Variants in MARCHF10 observed in about 807,000 individuals in gnomAD.
MARCHF10 encodes the protein membrane associated ring-CH-type finger 10.
MARCHF10 carries 64 observed loss-of-function variants against 76.2 expected under a neutral mutation model. The ratio of observed to expected loss-of-function variants is 0.84; its 90% CI spans 0.69 to 1.03. MARCHF10 has a LOEUF of 1.03. Ranked by LOEUF, MARCHF10 falls within the 50% of genes least tolerant of loss-of-function variation. The pLI, the probability that MARCHF10 is intolerant of heterozygous loss-of-function variation, is 0.00. For synonymous variants in MARCHF10, 340 were observed against 357.5 expected (o/e 0.95, Z 0.55); for missense variants, 875 against 958.0 (o/e 0.91, Z 1.14).
At chr17:62,751,888 C>T (rs181191910) in intron 4 of MARCHF10, among the ~76,000 whole-genome samples, 3 of 152,104 alleles carry the variant, frequency 2.0e-5, no homozygotes, top group Admixed American at 6.5e-5. Context: ...GGCATGGTGG[C>T]GCATGCCTGT....
At chr17:62,749,254 T>A (rs1323957644) in intron 4 of MARCHF10, among the ~76,000 whole-genome samples, 3 of 152,178 alleles carry the variant, frequency 2.0e-5, no homozygotes, top group African/African-American at 7.2e-5. Flanking sequence ...CCCTGACAAG[T>A]GAGAACCAAG....
intron 5 of MARCHF10, among the ~76,000 whole-genome samples, chr17:62,741,306 G>T (rs1416421073): frequency 6.6e-6 from 1 of 152,124 alleles, no homozygotes; most frequent in East Asian, 1.9e-4. Context: ...ATACATTTTT[G>T]ACTATATATT....
At chr17:62,765,987 A>G (rs2092320764) in intron 3 of MARCHF10, among the ~76,000 whole-genome samples, 1 of 150,344 alleles carries the variant, frequency 6.7e-6, no homozygotes, top group Non-Finnish European at 1.5e-5. Flanking sequence ...TGAGCCCAGG[A>G]GTTTGAGACC....
chr17:62,709,952 A>G (rs911254288), intron 9 of MARCHF10, among the ~76,000 whole-genome samples: 8 of 152,060 alleles, frequency 5.3e-5, no homozygotes, highest in South Asian at 2.1e-4. Context: ...CTCCAGTTCA[A>G]TGTGAGCTTG....
chr17:62,704,974 AAC>A (rs998419375), intron 10 of MARCHF10: 1 of 745,516 alleles, frequency 1.3e-6, no homozygotes, highest in Non-Finnish European at 1.6e-6. Context: ...TGGAAAAAGG[AAC>A]AGGGAGAAGG....
chr17:62,788,690 T>G (rs2092787443), intron 2 of MARCHF10, 91 bp from the exon 3 acceptor site: 1 of 1,504,414 alleles, frequency 6.6e-7, no homozygotes, highest in Admixed American at 1.7e-5. Flanking sequence ...GAGCATGAAA[T>G]AAATGATATG....
rs544742401 is a variant in MARCHF10, at chr17:62,714,425, A to G, written c.2215-3081T>C. On this transcript the variant is annotated intron_variant, in intron 8 of 10. Transcript: ENST00000311269. The stretch of plus-strand genomic sequence containing the variant: ...CTAATATATGGGATCTCGCAACACC[A>G]ACACATCCTACAAGAGACAAGATTT... 2.0e-5 allele frequency: 20 copies of G among 985,252 alleles called. No homozygotes were observed. The East Asian group carries it at 3.4e-4, about 17-fold the overall frequency. The allele number at this position is 985,252 out of a possible 1,614,324, so 61.0% of individuals were successfully genotyped here. A position where few individuals can be genotyped will look rare whatever the true frequency, so the allele number is the denominator to read the frequency against.
chr17:62,768,798 A>G (rs1479478920), intron 3 of MARCHF10, among the ~76,000 whole-genome samples: 1 of 152,206 alleles, frequency 6.6e-6, no homozygotes, highest in Admixed American at 6.5e-5. Context: ...TTCTCCTGCA[A>G]TGCCACAATA....
chr17:62,702,034 T>G (rs1460039995), intron 10 of MARCHF10, among the ~76,000 whole-genome samples: 1 of 152,138 alleles, frequency 6.6e-6, no homozygotes, highest in African/African-American at 2.4e-5. Context: ...GTGCAGAACT[T>G]GTTTTCAGGC....
chr17:62,738,597 C>T lies in MARCHF10; in HGVS notation c.536-1265G>A, dbSNP rs996689778. ...TGGAAGGTCTGTGTTGATAACAGCT[C>T]GGGCTGGTGAAATGCAAATCCTCAG... On this transcript the variant is annotated intron_variant, in intron 5 of 10. Transcript: ENST00000311269. This position sits in a 1 kb window ranked among gnomAD's most constrained non-coding sequence, Gnocchi z 4.0. Among the ~76,000 whole-genome samples the T allele has an allele frequency of 1.3e-5, 2 of 152,154 alleles. No homozygotes were observed. The highest frequency in any genetic ancestry group is 6.5e-5 in the Admixed American group (1 of 15,274).
intron 3 of MARCHF10, among the ~76,000 whole-genome samples, chr17:62,783,663 T>C (rs1048999669): frequency 2.6e-5 from 4 of 152,024 alleles, no homozygotes; most frequent in African/African-American, 4.8e-5. Flanking sequence ...AAGAATCAAA[T>C]AGACGCAATA....
intron 3 of MARCHF10, among the ~76,000 whole-genome samples, chr17:62,770,332 A>G (rs2092419397): frequency 6.6e-6 from 1 of 152,144 alleles, no homozygotes; most frequent in Non-Finnish European, 1.5e-5. Flanking sequence ...ATAAACATAC[A>G]TATACATGTG....
intron 2 of MARCHF10, among the ~76,000 whole-genome samples, chr17:62,801,146 G>A (rs910792479): frequency 3.3e-5 from 5 of 151,770 alleles, no homozygotes; most frequent in African/African-American, 1.2e-4. Flanking sequence ...CATTATCCTC[G>A]TTTTTTTGTT....
At chr17:62,765,873 G>C (rs892067721) in intron 3 of MARCHF10, among the ~76,000 whole-genome samples, 3 of 152,106 alleles carry the variant, frequency 2.0e-5, no homozygotes, top group African/African-American at 7.2e-5. Flanking sequence ...GGACGAAAAG[G>C]AAGCAGTATG....
At chr17:62,798,442 T>TA (rs76893795) in intron 2 of MARCHF10, among the ~76,000 whole-genome samples, 2,442 of 86,414 alleles carry the variant, frequency 0.028, 35 homozygotes, top group African/African-American at 0.068. Context: ...TGGGAAACAT[T>TA]AAAAAAAAAA....
At chr17:62,801,552 C>A in intron 2 of MARCHF10, 94 bp downstream of exon 2, 2 of 988,298 alleles carry the variant, frequency 2.0e-6, no homozygotes, top group Non-Finnish European at 3.0e-6. Context: ...TTTTAGAAAA[C>A]TTTTACTGCT....
intron 4 of MARCHF10, among the ~76,000 whole-genome samples, chr17:62,746,540 C>T (rs1236567660): frequency 6.6e-6 from 1 of 152,086 alleles, no homozygotes; most frequent in Non-Finnish European, 1.5e-5. Context: ...AGCATTTTCC[C>T]ACTACCAAAA....
intron 2 of MARCHF10, among the ~76,000 whole-genome samples, chr17:62,790,271 G>A (rs1259860120): frequency 5.3e-5 from 8 of 152,104 alleles, no homozygotes; most frequent in Non-Finnish European, 1.0e-4. Context: ...CACCGCCCTG[G>A]TTCAAGCGAT....
At chr17:62,740,049 A>AGTGTGTGTGT (rs112894135) in intron 5 of MARCHF10, among the ~76,000 whole-genome samples, 1 of 145,432 alleles carries the variant, frequency 6.9e-6, no homozygotes, top group Non-Finnish European at 1.5e-5. Context: ...GCTTCTCTGC[A>AGTGTGTGTGT]GTGTGTGTGT....
Sources: gnomAD v4.1 joint callset for allele counts (sites outside exome capture counted in the v4.1 genomes callset) on GRCh38, gnomAD v4.1.1 for gene constraint, Gnocchi (gnomAD v3.1) non-coding constraint, MANE v1.5 for transcripts, NCBI Gene and HGNC (gene_info 2026-07-23, HGNC 2026-07-21) for gene names.